TMEFF2: variants seen among roughly 807,000 people sequenced by gnomAD.
TMEFF2 encodes transmembrane protein with EGF like and two follistatin like domains 2.
A neutral mutation model predicts 53.8 loss-of-function variants in TMEFF2; 28 were observed. That is an observed-to-expected ratio of 0.52 (90% CI 0.39 to 0.71). The LOEUF (loss-of-function observed/expected upper bound fraction) is 0.71, where lower values mean the gene tolerates loss of function less well. TMEFF2 is among the 30% of genes least tolerant of loss of function. TMEFF2 has a pLI of 0.00. For synonymous variants in TMEFF2, 162 were observed against 166.3 expected (o/e 0.97, Z 0.20); for missense variants, 353 against 455.2 (o/e 0.78, Z 2.04).
intron 5 of TMEFF2, among the ~76,000 whole-genome samples, chr2:192,021,252 G>C (rs1456879149): frequency 6.6e-6 from 1 of 152,058 alleles, no homozygotes; most frequent in South Asian, 2.1e-4. Context: ...GCTCTTAGAA[G>C]AACTAGGCTG....
chr2:192,115,653 C>A (rs895510752), intron 4 of TMEFF2, among the ~76,000 whole-genome samples: 1 of 151,798 alleles, frequency 6.6e-6, no homozygotes, highest in Non-Finnish European at 1.5e-5. Flanking sequence ...CAAAAACAAA[C>A]CCCCCAAAAA....
intron 4 of TMEFF2, among the ~76,000 whole-genome samples, chr2:192,103,037 G>A (rs766981918): frequency 3.3e-5 from 5 of 151,902 alleles, no homozygotes; most frequent in Non-Finnish European, 5.9e-5. Flanking sequence ...CATTAATGAT[G>A]GGAATAGTGA....
intron 5 of TMEFF2, among the ~76,000 whole-genome samples, chr2:192,018,639 C>A (rs562296733): frequency 5.9e-4 from 90 of 152,274 alleles, no homozygotes; most frequent in African/African-American, 1.6e-3. Flanking sequence ...CCTCCTTCTT[C>A]CCCTCTTGCT....
intron 4 of TMEFF2, among the ~76,000 whole-genome samples, chr2:192,105,987 T>C (rs560582941): frequency 6.6e-6 from 1 of 151,936 alleles, no homozygotes; most frequent in East Asian, 1.9e-4. Flanking sequence ...TGAATATCAA[T>C]AGCTTTAACA....
chr2:192,099,721 AT>A (rs1361304963), intron 4 of TMEFF2, among the ~76,000 whole-genome samples: 1 of 151,954 alleles, frequency 6.6e-6, no homozygotes. Context: ...ACTTGCACAA[AT>A]AGCTAGGGTT....
chr2:192,164,233 G>A (rs992529454), intron 4 of TMEFF2, among the ~76,000 whole-genome samples: 2 of 151,918 alleles, frequency 1.3e-5, no homozygotes, highest in African/African-American at 2.4e-5. Context: ...CACTATGCTC[G>A]GGCTGCACTT....
At chr2:192,160,074 G>A (rs1289726899) in intron 4 of TMEFF2, among the ~76,000 whole-genome samples, 1 of 152,140 alleles carries the variant, frequency 6.6e-6, no homozygotes, top group Non-Finnish European at 1.5e-5. Flanking sequence ...CCTGGAAAAA[G>A]GGCATCTTGT....
chr2:192,137,108 C>T (rs138037703), intron 4 of TMEFF2, among the ~76,000 whole-genome samples: 197 of 152,240 alleles, frequency 1.3e-3, no homozygotes, highest in African/African-American at 4.3e-3. Context: ...AGTCCCTAAT[C>T]GCATATTGTA....
At chr2:191,974,261 A>T (rs1271730970) in intron 7 of TMEFF2, among the ~76,000 whole-genome samples, 3 of 151,912 alleles carry the variant, frequency 2.0e-5, no homozygotes, top group Admixed American at 6.6e-5. Flanking sequence ...TTGAGACAGA[A>T]TTTTTTTTGT....
intron 4 of TMEFF2, among the ~76,000 whole-genome samples, chr2:192,081,865 G>A (rs150306611): frequency 0.019 from 2,811 of 148,060 alleles, 89 homozygotes; most frequent in African/African-American, 0.066. Context: ...GCAGTGGCGC[G>A]ATCTCGGCTC....
rs528044749 is a variant in TMEFF2, at chr2:191,991,502, T to C, written c.745+6760A>G. Among the ~76,000 whole-genome samples, 8 of 152,184 alleles carry C rather than the reference T, an allele frequency of 5.3e-5. No individual in the cohort carries two copies. The East Asian group carries it at 1.4e-3, about 26-fold the overall frequency. On this transcript the variant is annotated intron_variant, in intron 7 of 9. Coordinates refer to ENST00000272771, the MANE Select transcript of TMEFF2 (RefSeq NM_016192.4). The stretch of plus-strand genomic sequence containing the variant: ...CAATCCTTTGGAAGTAGACTTATTA[T>C]CTCCATTAAACAGATCAAGAAACTG...
At chr2:192,116,381 T>G (rs1003912875) in intron 4 of TMEFF2, among the ~76,000 whole-genome samples, 1 of 151,956 alleles carries the variant, frequency 6.6e-6, no homozygotes, top group Non-Finnish European at 1.5e-5. Context: ...GTTTATAAGA[T>G]GAATAAGTTC....
chr2:192,133,034 G>T (rs6739151), intron 4 of TMEFF2, among the ~76,000 whole-genome samples: 151,416 of 152,190 alleles, frequency 0.99, 75,328 homozygotes, highest in Middle Eastern at 1. Context: ...AGGGCCTGTT[G>T]CCCTTGCCTC....
intron 4 of TMEFF2, among the ~76,000 whole-genome samples, chr2:192,075,306 T>TATATATAAATATATATATATAAATATAA (rs1559115081): frequency 5.2e-5 from 3 of 57,764 alleles, no homozygotes; most frequent in Non-Finnish European, 1.1e-4. Flanking sequence ...TATATATATA[T>TATATATAAATATATATATATAAATATAA]ATATATATAT....
chr2:192,179,010 T>G (rs1280938098), intron 4 of TMEFF2: 1 of 141,356 alleles, frequency 7.1e-6, no homozygotes, highest in Non-Finnish European at 1.6e-5. Flanking sequence ...TGGTAGTAAG[T>G]ACATTAGATC....
chr2:191,982,976 C>T (rs1018023204), intron 7 of TMEFF2, among the ~76,000 whole-genome samples: 3 of 151,946 alleles, frequency 2.0e-5, no homozygotes, highest in Non-Finnish European at 1.5e-5. Flanking sequence ...AATGGGAGTC[C>T]GAAATGTCTG....
At chr2:192,086,902 G>A (rs886148877) in intron 4 of TMEFF2, among the ~76,000 whole-genome samples, 1 of 151,712 alleles carries the variant, frequency 6.6e-6, no homozygotes, top group African/African-American at 2.4e-5. Flanking sequence ...TAAAAGTTAG[G>A]CATCATTTGC....
chr2:192,143,823 C>T (rs1690191359), intron 4 of TMEFF2, among the ~76,000 whole-genome samples: 4 of 152,114 alleles, frequency 2.6e-5, no homozygotes, highest in Admixed American at 2.6e-4. Context: ...AAGACCTATA[C>T]TCTCTTCTCA....
chr2:191,962,941 T>C (rs952633028), intron 7 of TMEFF2, among the ~76,000 whole-genome samples: 1 of 152,158 alleles, frequency 6.6e-6, no homozygotes, highest in African/African-American at 2.4e-5. Flanking sequence ...CTATTAACTC[T>C]CAGCAAGTGG....
Sources: allele counts gnomAD v4.1 joint callset (sites outside exome capture counted in the v4.1 genomes callset), GRCh38; gene constraint gnomAD v4.1.1; transcripts MANE v1.5; gene names NCBI Gene and HGNC (gene_info 2026-07-23, HGNC 2026-07-21).